ASTN1: variants seen among roughly 807,000 people sequenced by gnomAD.
The protein encoded by ASTN1 is astrotactin-1.
Under a neutral mutation model 140.7 loss-of-function variants are expected in ASTN1, and 41 were observed. That is an observed-to-expected ratio of 0.29 (90% CI 0.23 to 0.38). The LOEUF (loss-of-function observed/expected upper bound fraction) is 0.38. Among genes scored for constraint, ASTN1 ranks in the 10% least tolerant of loss-of-function variants. The probability of loss-of-function intolerance (pLI) is 1.00; values close to 1 mark genes in which losing one functional copy is unlikely to be tolerated. For synonymous variants in ASTN1, 640 were observed against 652.2 expected, an observed-to-expected ratio of 0.98 and a Z score of 0.29; for missense variants, 1,479 against 1,678.8, an observed-to-expected ratio of 0.88 and a Z score of 2.08.
At position 177,130,608 on chromosome 1, in the gene ASTN1, G is replaced by A. The variant is rs545967443; in HGVS notation, c.283+33786C>T. On this transcript the variant is annotated intron_variant, in intron 1 of 22. Coordinates refer to ENST00000361833, the MANE Select transcript of ASTN1 (RefSeq NM_004319.3). ...TCATTGAATCCCTGAGCTGTAATCT[G>A]GTTTTCTGCACCCACCAGAGTTAGC... 2.0e-5 allele frequency among the ~76,000 whole-genome samples: 3 copies of A among 152,242 alleles called. No homozygotes were observed. In the South Asian group the frequency reaches 6.2e-4, roughly 32 times the overall value.
chr1:176,958,775 C>T (rs1672528071), intron 9 of ASTN1, among the ~76,000 whole-genome samples: 1 of 152,318 alleles, frequency 6.6e-6, no homozygotes, highest in Admixed American at 6.5e-5. Flanking sequence ...TGAAGCTGGG[C>T]TTCCCCTGTC....
chr1:177,119,195 C>A (rs544754535), intron 1 of ASTN1, among the ~76,000 whole-genome samples: 2 of 152,300 alleles, frequency 1.3e-5, no homozygotes, highest in South Asian at 4.1e-4. Flanking sequence ...TTATCACAGA[C>A]AGTGCCCTCA....
At chr1:177,127,266 G>T (rs1277911008) in intron 1 of ASTN1, among the ~76,000 whole-genome samples, 1 of 151,990 alleles carries the variant, frequency 6.6e-6, no homozygotes, top group African/African-American at 2.4e-5. Context: ...GCACACTAAA[G>T]AAATTTCATT....
intron 8 of ASTN1, among the ~76,000 whole-genome samples, chr1:177,004,901 T>C (rs72720704): frequency 0.17 from 25,134 of 152,122 alleles, 2,155 homozygotes; most frequent in Admixed American, 0.19. Context: ...GAAAACCATC[T>C]GGACATTGGC....
chr1:177,157,823 T>C (rs1044309367), intron 1 of ASTN1, among the ~76,000 whole-genome samples: 4 of 152,180 alleles, frequency 2.6e-5, no homozygotes, highest in African/African-American at 9.7e-5. Context: ...TCTTAAACAA[T>C]ATGTTATTTT....
At chr1:177,034,079 T>C (rs1676587563) in intron 2 of ASTN1, among the ~76,000 whole-genome samples, 1 of 151,974 alleles carries the variant, frequency 6.6e-6, no homozygotes, top group Non-Finnish European at 1.5e-5. Context: ...CGCTACTAAT[T>C]CCCAGAGGGC....
intron 2 of ASTN1, among the ~76,000 whole-genome samples, chr1:177,034,623 C>G (rs2101981511): frequency 6.6e-6 from 1 of 152,262 alleles, no homozygotes; most frequent in African/African-American, 2.4e-5. Context: ...CTAGAAGACA[C>G]AGTGCCTCCA....
At chr1:177,035,353 G>A (rs1323993075) in intron 2 of ASTN1, among the ~76,000 whole-genome samples, 1 of 152,192 alleles carries the variant, frequency 6.6e-6, no homozygotes, top group East Asian at 1.9e-4. Flanking sequence ...GAATAGGAGA[G>A]TATGGATGAA....
chr1:176,965,478 T>C (rs995371968), intron 8 of ASTN1, among the ~76,000 whole-genome samples: 1 of 152,194 alleles, frequency 6.6e-6, no homozygotes, highest in Non-Finnish European at 1.5e-5. Flanking sequence ...GCCATGACAA[T>C]TGGAACTACA....
chr1:176,985,502 A>G (rs1352468363), intron 8 of ASTN1, among the ~76,000 whole-genome samples: 4 of 151,892 alleles, frequency 2.6e-5, no homozygotes, highest in African/African-American at 9.7e-5. Flanking sequence ...TCAAACAAAG[A>G]CTCCAGGCTA....
chr1:176,967,420 A>C (rs1482366938), intron 8 of ASTN1, among the ~76,000 whole-genome samples: 1 of 152,178 alleles, frequency 6.6e-6, no homozygotes, highest in African/African-American at 2.4e-5. Context: ...CCAGACACCT[A>C]GAAAGGGCAG....
intron 11 of ASTN1, among the ~76,000 whole-genome samples, chr1:176,953,148 CCT>C (rs1289656515): frequency 9.9e-5 from 15 of 152,260 alleles, no homozygotes; most frequent in African/African-American, 3.6e-4. Flanking sequence ...TCATCTTTCC[CCT>C]CTTTTCCTAC....
intron 8 of ASTN1, among the ~76,000 whole-genome samples, chr1:177,013,152 C>T (rs1420440107): frequency 6.6e-6 from 1 of 152,140 alleles, no homozygotes; most frequent in Non-Finnish European, 1.5e-5. Context: ...ATGTAGCTGC[C>T]CTTCTACAAA....
intron 16 of ASTN1, among the ~76,000 whole-genome samples, chr1:176,902,239 CT>C (rs1264522888): frequency 6.6e-5 from 10 of 152,146 alleles, no homozygotes; most frequent in African/African-American, 2.4e-4. Context: ...TGACGTTTTT[CT>C]TTTCTAAAAA....
Position 177,032,865 on chromosome 1 carries a change from C to T in ASTN1, c.472-16G>A. 6.4e-7 allele frequency: 1 copy of T among 1,573,900 alleles called. No individual in the cohort carries two copies. The highest frequency in any genetic ancestry group is 1.2e-5 in the South Asian group (1 of 86,420). On this transcript the variant is annotated splice_polypyrimidine_tract_variant and intron_variant, in intron 2 of 22. Coordinates refer to ENST00000361833, the MANE Select transcript of ASTN1 (RefSeq NM_004319.3). ...TCATGCCACCCTAGGAAGAGAGGAC[C>T]ACAGATGGATGTGGGAAGATGGGTA... is the stretch of plus-strand genomic sequence containing the variant.
At chr1:177,081,608 C>T (rs1425366041) in intron 1 of ASTN1, among the ~76,000 whole-genome samples, 1 of 151,956 alleles carries the variant, frequency 6.6e-6, no homozygotes, top group Non-Finnish European at 1.5e-5. Flanking sequence ...GGGAAGACAC[C>T]CTGGCCACAT....
At chr1:176,915,792 A>G (rs1362509029) in intron 16 of ASTN1, among the ~76,000 whole-genome samples, 1 of 152,202 alleles carries the variant, frequency 6.6e-6, no homozygotes, top group Non-Finnish European at 1.5e-5. Context: ...GATGTCTCAC[A>G]TGTCCCTGGA....
At chr1:177,009,697 A>G (rs1029441292) in intron 8 of ASTN1, among the ~76,000 whole-genome samples, 5 of 152,200 alleles carry the variant, frequency 3.3e-5, no homozygotes, top group Non-Finnish European at 7.3e-5. Flanking sequence ...ATGTCATGGT[A>G]AGTGCATTGC....
intron 16 of ASTN1, among the ~76,000 whole-genome samples, chr1:176,929,491 T>C (rs763494911): frequency 6.6e-6 from 1 of 152,130 alleles, no homozygotes; most frequent in East Asian, 1.9e-4. Flanking sequence ...AAGGACCGGG[T>C]GATTCCTTGA....
Sources: allele counts gnomAD v4.1 joint callset (sites outside exome capture counted in the v4.1 genomes callset), GRCh38; gene constraint gnomAD v4.1.1; transcripts MANE v1.5; gene names NCBI Gene and HGNC (gene_info 2026-07-23, HGNC 2026-07-21).